Variants in RGS6 observed in about 807,000 individuals in gnomAD.
RGS6 encodes the protein regulator of G-protein signaling 6.
A neutral mutation model predicts 78.5 loss-of-function variants in RGS6; 30 were observed. The observed-to-expected ratio is 0.38, with a 90% CI of 0.29 to 0.52. The LOEUF (loss-of-function observed/expected upper bound fraction) is 0.52, where lower values mean the gene tolerates loss of function less well. Ranked by LOEUF, RGS6 falls within the 20% of genes least tolerant of loss-of-function variation. RGS6 has a pLI of 0.85. For missense variants in RGS6, 495 were observed against 609.7 expected, an observed-to-expected ratio of 0.81 and a Z score of 1.98; for synonymous variants, 206 against 206.0, an observed-to-expected ratio of 1.00 and a Z score of 0.00.
chr14:71,985,957 T>C (rs2094694454), intron 2 of RGS6, among the ~76,000 whole-genome samples: 1 of 152,248 alleles, frequency 6.6e-6, no homozygotes, highest in Non-Finnish European at 1.5e-5. Flanking sequence ...TTGCTTCTTA[T>C]ATTTTAAAGC....
chr14:72,388,735 T>G (rs893020544), intron 3 of RGS6, among the ~76,000 whole-genome samples: 3 of 152,192 alleles, frequency 2.0e-5, no homozygotes, highest in Admixed American at 2.0e-4. Flanking sequence ...CTCTCTGGGT[T>G]TGAATCCCAG....
chr14:72,237,828 G>C (rs781094593), intron 2 of RGS6, among the ~76,000 whole-genome samples: 3 of 152,086 alleles, frequency 2.0e-5, no homozygotes, highest in Non-Finnish European at 4.4e-5. Context: ...CAGCATCCAG[G>C]GTTGTCTGCG....
At chr14:72,509,369 A>G (rs185074025) in intron 13 of RGS6, among the ~76,000 whole-genome samples, 1,976 of 139,216 alleles carry the variant, frequency 0.014, 44 homozygotes, top group African/African-American at 0.056. Flanking sequence ...CATCTCAAGA[A>G]AAAAAAAAAA....
intron 1 of RGS6, among the ~76,000 whole-genome samples, chr14:71,940,392 G>T (rs1332028314): frequency 2.0e-5 from 3 of 152,170 alleles, no homozygotes; most frequent in Admixed American, 2.0e-4. Context: ...TCTGGAAATT[G>T]AATGAGGAGC....
chr14:72,289,460 T>A (rs1324289179), intron 2 of RGS6, among the ~76,000 whole-genome samples: 1 of 151,962 alleles, frequency 6.6e-6, no homozygotes, highest in Non-Finnish European at 1.5e-5. Context: ...TTTCACAGAA[T>A]CACGAAAGCC....
intron 3 of RGS6, among the ~76,000 whole-genome samples, chr14:72,368,496 C>A (rs746339279): frequency 6.6e-5 from 10 of 152,112 alleles, no homozygotes; most frequent in Non-Finnish European, 1.3e-4. Flanking sequence ...AACCAAAGAA[C>A]AAGAAACAGC....
rs745416530 is a variant in RGS6, at chr14:72,372,767, G to GTGT, written c.184+20575_184+20577dup. ...GATTAGGGGTCCTACAAGAAGCAGGGTGTTAACCTTCTCACTGATTGGATT... is the reference window on the plus strand; with the variant it reads ...GATTAGGGGTCCTACAAGAAGCAGGGTGTTGTTAACCTTCTCACTGATTGGATT... On this transcript the variant is annotated intron_variant, in intron 3 of 17. Coordinates refer to ENST00000553525, the MANE Select transcript of RGS6 (RefSeq NM_001204424.2). 1.4e-4 allele frequency among the ~76,000 whole-genome samples: 22 copies of GTGT among 152,306 alleles called. No homozygotes were observed. In the East Asian group the frequency reaches 2.1e-3, roughly 15 times the overall value.
At chr14:72,591,881 G>A in the RGS6 span, among the ~76,000 whole-genome samples, 1 of 152,320 alleles carries the variant, frequency 6.6e-6, no homozygotes, top group East Asian at 1.9e-4. Flanking sequence ...GTGGAATCAA[G>A]ATGGCAGCCC....
intron 2 of RGS6, among the ~76,000 whole-genome samples, chr14:72,207,260 G>T (rs1016904334): frequency 1.3e-5 from 2 of 152,018 alleles, no homozygotes; most frequent in Non-Finnish European, 2.9e-5. Context: ...TTCACAATAT[G>T]GGATAAATGT....
chr14:72,271,156 A>G (rs537210373), intron 2 of RGS6, among the ~76,000 whole-genome samples: 39 of 152,280 alleles, frequency 2.6e-4, no homozygotes, highest in Non-Finnish European at 4.1e-4. Flanking sequence ...CCACTGTATT[A>G]ATCTGTTCTC....
chr14:72,287,474 T>G (rs2062779359), intron 2 of RGS6, among the ~76,000 whole-genome samples: 1 of 152,136 alleles, frequency 6.6e-6, no homozygotes, highest in African/African-American at 2.4e-5. Context: ...TTTATTTTTT[T>G]GAGACAGAGT....
chr14:72,432,884 A>G (rs1487822503), intron 3 of RGS6, among the ~76,000 whole-genome samples: 2 of 152,254 alleles, frequency 1.3e-5, no homozygotes, highest in African/African-American at 2.4e-5. Flanking sequence ...ACAGCCAAAT[A>G]CAGTCTAATG....
chr14:72,404,244 C>T (rs778747350), intron 3 of RGS6, among the ~76,000 whole-genome samples: 12 of 152,186 alleles, frequency 7.9e-5, no homozygotes, highest in Admixed American at 2.0e-4. Flanking sequence ...AAAGGAGAAT[C>T]GGTTCTGTGG....
intron 2 of RGS6, among the ~76,000 whole-genome samples, chr14:72,137,298 T>TTG (rs2096459699): frequency 6.6e-6 from 1 of 152,202 alleles, no homozygotes; most frequent in Non-Finnish European, 1.5e-5. Context: ...TTTAACCCTA[T>TTG]TGTAAGAGAC....
intron 2 of RGS6, among the ~76,000 whole-genome samples, chr14:71,971,305 G>A (rs748141247): frequency 3.1e-4 from 47 of 152,182 alleles, no homozygotes; most frequent in Non-Finnish European, 5.9e-5. Flanking sequence ...AAAGAGATGG[G>A]AGGGAAGGAG....
chr14:72,316,588 A>G (rs1419429124), intron 2 of RGS6, among the ~76,000 whole-genome samples: 1 of 152,168 alleles, frequency 6.6e-6, no homozygotes, highest in Non-Finnish European at 1.5e-5. Flanking sequence ...ATGGCTGCAT[A>G]GTATTCCATG....
intron 12 of RGS6, among the ~76,000 whole-genome samples, chr14:72,486,373 C>T (rs1037856838): frequency 7.2e-5 from 11 of 152,144 alleles, no homozygotes; most frequent in African/African-American, 2.4e-4. Flanking sequence ...GACAAATCAA[C>T]CATGGCCAGG....
At chr14:72,205,020 G>C (rs1351772295) in intron 2 of RGS6, among the ~76,000 whole-genome samples, 2 of 152,204 alleles carry the variant, frequency 1.3e-5, no homozygotes, top group Admixed American at 6.5e-5. Context: ...CACATCTTTA[G>C]ATCTCTGACA....
chr14:72,222,060 G>T (rs1452295224), intron 2 of RGS6, among the ~76,000 whole-genome samples: 1 of 152,246 alleles, frequency 6.6e-6, no homozygotes, highest in Non-Finnish European at 1.5e-5. Flanking sequence ...GACTTCTCAT[G>T]TAATTTATAA....
Sources: allele counts gnomAD v4.1 joint callset (sites outside exome capture counted in the v4.1 genomes callset), GRCh38; gene constraint gnomAD v4.1.1; transcripts MANE v1.5; gene names NCBI Gene and HGNC (gene_info 2026-07-23, HGNC 2026-07-21).